MAP3K13: variants seen among roughly 807,000 people sequenced by gnomAD.
The protein encoded by MAP3K13 is mitogen-activated protein kinase kinase kinase 13.
A neutral mutation model predicts 104.0 loss-of-function variants in MAP3K13; 52 were observed. The ratio of observed to expected loss-of-function variants is 0.50; its 90% CI spans 0.40 to 0.63. The LOEUF is 0.63. Ranked by LOEUF, MAP3K13 falls within the 20% of genes least tolerant of loss-of-function variation. MAP3K13 has a pLI of 0.00. For synonymous variants in MAP3K13, 394 were observed against 442.2 expected (o/e 0.89, Z 1.37); for missense variants, 914 against 1,218.5 (o/e 0.75, Z 3.72).
At chr3:185,437,306 C>G (rs1715094966) in intron 2 of MAP3K13, 141 bp from the exon 3 acceptor site, 2 of 631,546 alleles carry the variant, frequency 3.2e-6, no homozygotes, top group South Asian at 4.3e-5. Context: ...TTCCAAGGTA[C>G]ATAGGAAGGT....
At chr3:185,376,579 CT>C (rs1560072852) in intron 1 of MAP3K13, among the ~76,000 whole-genome samples, 1 of 151,878 alleles carries the variant, frequency 6.6e-6, no homozygotes, top group African/African-American at 2.4e-5. Context: ...GTGGGAGCAG[CT>C]TTTAGGGCTG....
intron 1 of MAP3K13, among the ~76,000 whole-genome samples, chr3:185,374,536 G>C (rs562893543): frequency 6.6e-6 from 1 of 152,140 alleles, no homozygotes; most frequent in African/African-American, 2.4e-5. Flanking sequence ...TACGAGGTCC[G>C]AATAAGAGAA....
chr3:185,380,509 CAAAAAA>C (rs564011110), intron 1 of MAP3K13, among the ~76,000 whole-genome samples: 1 of 85,642 alleles, frequency 1.2e-5, no homozygotes, highest in Non-Finnish European at 2.3e-5. Flanking sequence ...GACTCCATCT[CAAAAAA>C]AAAAAAAAAA....
intron 4 of MAP3K13, 116 bp downstream of exon 4, chr3:185,443,752 C>T (rs1715452309): frequency 4.9e-6 from 4 of 820,968 alleles, no homozygotes; most frequent in East Asian, 5.1e-5. Flanking sequence ...TTTCAATCAG[C>T]ACAGTGGGTA....
Position 185,443,655 on chromosome 3 carries a change from G to A in MAP3K13, c.851+19G>A, listed in dbSNP as rs1474797509. 1.2e-6 allele frequency: 2 copies of A among 1,600,618 alleles called. No individual in the cohort carries two copies. Among genetic ancestry groups the A allele is most frequent in the Non-Finnish European group, 1.7e-6 (2 of 1,170,364 alleles). Reference sequence around the variant, plus strand: ...CACCTAAGTGAGTTCTGGGGCTAATGTTTCAGCTATTTTGGTTTGTTGTTT... The same window carrying A: ...CACCTAAGTGAGTTCTGGGGCTAATATTTCAGCTATTTTGGTTTGTTGTTT... On this transcript the variant is annotated intron_variant, in intron 4 of 13. Coordinates refer to ENST00000265026, the MANE Select transcript of MAP3K13 (RefSeq NM_004721.5).
chr3:185,440,932 A>C (rs1715288130), intron 3 of MAP3K13, among the ~76,000 whole-genome samples: 1 of 152,256 alleles, frequency 6.6e-6, no homozygotes, highest in Admixed American at 6.5e-5. Context: ...TCTTGAGAAC[A>C]AAACAGAAGT....
chr3:185,339,530 A>G (rs903343963), intron 2 of MAP3K13, among the ~76,000 whole-genome samples: 1 of 152,172 alleles, frequency 6.6e-6, no homozygotes, highest in Admixed American at 6.5e-5. Flanking sequence ...TTTTTCTGTG[A>G]CTGTGATGCA....
At chr3:185,420,395 A>G (rs1714047929) in intron 1 of MAP3K13, among the ~76,000 whole-genome samples, 1 of 152,222 alleles carries the variant, frequency 6.6e-6, no homozygotes, top group Non-Finnish European at 1.5e-5. Context: ...ACAGACCTCT[A>G]TCCTGGAAAG....
In MAP3K13 at chr3:185,418,542, A is replaced by C; in HGVS notation, c.-85-9955A>C. 6.2e-7 allele frequency: 1 copy of C among 1,612,164 alleles called. No homozygotes were observed. Among genetic ancestry groups the C allele is most frequent in the Admixed American group, 1.7e-5 (1 of 60,024 alleles). On this transcript the variant is annotated intron_variant, in intron 1 of 13. Transcript: ENST00000265026. This position sits in a 1 kb window ranked among gnomAD's most constrained non-coding sequence, Gnocchi z 4.5. ...CAGAGCGGTGAGTCCCACCACCTCG[A>C]ACTCTGGGAATTCGAGCCATAGCTC...
intron 13 of MAP3K13, chr3:185,481,147 T>G (rs1031091567): frequency 6.5e-6 from 1 of 153,088 alleles, no homozygotes; most frequent in Non-Finnish European, 1.5e-5. Flanking sequence ...AACTCAAACA[T>G]CACTTCCTCC....
chr3:185,434,675 C>G (rs746154952), intron 2 of MAP3K13, among the ~76,000 whole-genome samples: 4 of 152,138 alleles, frequency 2.6e-5, no homozygotes, highest in Non-Finnish European at 5.9e-5. Context: ...TGAACACAAA[C>G]TAGGAGGGTA....
At chr3:185,359,289 A>G (rs536074692), upstream of MAP3K13, among the ~76,000 whole-genome samples, 66 of 152,260 alleles carry the variant, frequency 4.3e-4, 3 homozygotes, top group South Asian at 0.013. Flanking sequence ...TGAGAACAGT[A>G]TGGAGGAACT....
rs936412354 is a variant in MAP3K13, at chr3:185,441,264, G to C, written c.660-2181G>C. On this transcript the variant is annotated intron_variant, in intron 3 of 13. Coordinates refer to ENST00000265026, the MANE Select transcript of MAP3K13 (RefSeq NM_004721.5). ...AACATGGAAATGTCCTTGAAAAATAGAAGAGGTTCTTTCATGTTAGTCTCC... is the reference window on the plus strand; with the variant it reads ...AACATGGAAATGTCCTTGAAAAATACAAGAGGTTCTTTCATGTTAGTCTCC... 3.3e-5 allele frequency among the ~76,000 whole-genome samples: 5 copies of C among 152,304 alleles called. No individual in the cohort carries two copies. The East Asian group carries it at 9.7e-4, about 29-fold the overall frequency.
At chr3:185,357,447 T>TAAAAAAAAAAAAAAAA (rs71162295) in intron 2 of MAP3K13, among the ~76,000 whole-genome samples, 5 of 91,348 alleles carry the variant, frequency 5.5e-5, no homozygotes, top group African/African-American at 8.1e-5. Flanking sequence ...AAACTCCATC[T>TAAAAAAAAAAAAAAAA]AAAAAAAAAA....
intron 1 of MAP3K13, chr3:185,417,630 C>T (rs1481987512): frequency 2.0e-5 from 32 of 1,611,826 alleles, no homozygotes; most frequent in Non-Finnish European, 2.6e-5. Context: ...CAGCAGCCTT[C>T]TTTCCTTTCT....
At chr3:185,299,196 C>T (rs1404919035) in intron 2 of MAP3K13, among the ~76,000 whole-genome samples, 12 of 152,246 alleles carry the variant, frequency 7.9e-5, no homozygotes, top group Non-Finnish European at 1.8e-4. Context: ...AACTGAAATT[C>T]CAAAGAGAGG....
chr3:185,391,953 G>A (rs1489321222), intron 1 of MAP3K13, among the ~76,000 whole-genome samples: 2 of 152,224 alleles, frequency 1.3e-5, no homozygotes, highest in African/African-American at 4.8e-5. Context: ...AGGTGGGGTA[G>A]GTCATAGTCC....
chr3:185,319,202 G>A (rs1473086230), intron 2 of MAP3K13, among the ~76,000 whole-genome samples: 4 of 152,206 alleles, frequency 2.6e-5, no homozygotes, highest in Non-Finnish European at 5.9e-5. Context: ...TTTCACTGCT[G>A]TATAATGTAG....
At chr3:185,466,993 G>C (rs1267746920) in intron 10 of MAP3K13, 30 bp downstream of exon 10, 2 of 1,613,204 alleles carry the variant, frequency 1.2e-6, no homozygotes, top group South Asian at 1.1e-5. Context: ...GCAGTATTCA[G>C]ATAAATAGGG....
Sources: allele counts gnomAD v4.1 joint callset (sites outside exome capture counted in the v4.1 genomes callset), GRCh38; gene constraint gnomAD v4.1.1; non-coding constraint Gnocchi (gnomAD v3.1); transcripts MANE v1.5; gene names NCBI Gene and HGNC (gene_info 2026-07-23, HGNC 2026-07-21).